Variants in HECTD2 observed in about 807,000 individuals in gnomAD.
HECTD2 encodes the protein probable E3 ubiquitin-protein ligase HECTD2.
In HECTD2, 35 loss-of-function variants were observed where a neutral mutation model predicts 103.2. The observed-to-expected ratio is 0.34, with a 90% CI of 0.26 to 0.45. The LOEUF is 0.45. HECTD2 is among the 20% of genes least tolerant of loss of function. The pLI is 1.00. For synonymous variants in HECTD2, 281 were observed against 329.9 expected, an observed-to-expected ratio of 0.85 and a Z score of 1.61; for missense variants, 596 against 937.4, an observed-to-expected ratio of 0.64 and a Z score of 4.76.
intron 9 of HECTD2, 83 bp downstream of exon 9, chr10:91,484,738 G>C: frequency 9.7e-7 from 1 of 1,028,672 alleles, no homozygotes; most frequent in Non-Finnish European, 1.4e-6. Flanking sequence ...AAAGACTATA[G>C]AGGCATTCTT....
At chr10:91,429,130 G>C (rs55916968) in intron 2 of HECTD2, among the ~76,000 whole-genome samples, 1 of 151,722 alleles carries the variant, frequency 6.6e-6, no homozygotes, top group South Asian at 2.1e-4. Flanking sequence ...CATCTATTGA[G>C]AAAATCATGT....
chr10:91,410,445 G>A lies in HECTD2; in HGVS notation c.7G>A (p.Glu3Lys). 3 of 1,448,334 alleles carry A rather than the reference G, an allele frequency of 2.1e-6. No homozygotes were observed. Among genetic ancestry groups the A allele is most frequent in the Non-Finnish European group, 2.7e-6 (3 of 1,104,254 alleles). The allele number at this position is 1,448,334 out of a possible 1,614,324, so 89.7% of individuals were successfully genotyped here. A position where few individuals can be genotyped will look rare whatever the true frequency, so the allele number is the denominator to read the frequency against. ...TCCCGCCGCCCGGCCCGACATGAGT[G>A]AGGCGGTTCGGGTACCCTCGCCCGC... is the stretch of plus-strand genomic sequence containing the variant. The part of the protein sequence containing the change: MS[E>K]AVRVPSPATP... Residue 3 changes from glutamate (E) to lysine (K), a missense_variant, in exon 1 of 21, where the codon GAG (glutamate) becomes AAG (lysine). Physicochemically the swap from Glu to Lys is moderately conservative, Grantham distance 56. This residue lies in a region of HECTD2 where 220 missense variants were observed against 233.9 expected (regional missense o/e 0.94). Coordinates refer to ENST00000298068, the MANE Select transcript of HECTD2 (RefSeq NM_182765.6).
intron 4 of HECTD2, 33 bp from the exon 5 acceptor site, chr10:91,462,062 T>C: frequency 6.9e-6 from 10 of 1,448,676 alleles, no homozygotes; most frequent in Non-Finnish European, 9.6e-6. Flanking sequence ...TTTAAAATGT[T>C]GAATATACTT....
intron 18 of HECTD2, among the ~76,000 whole-genome samples, chr10:91,499,692 T>C (rs968955389): frequency 3.3e-5 from 5 of 152,190 alleles, no homozygotes; most frequent in East Asian, 1.9e-4. Context: ...AGAAGTATCA[T>C]AGGATACCTT....
At chr10:91,437,323 A>C (rs1329745634) in intron 2 of HECTD2, among the ~76,000 whole-genome samples, 1 of 151,976 alleles carries the variant, frequency 6.6e-6, no homozygotes, top group Non-Finnish European at 1.5e-5. Flanking sequence ...CCTTAGATGA[A>C]ACACCTACAT....
At chr10:91,443,628 C>A (rs998901743) in intron 2 of HECTD2, among the ~76,000 whole-genome samples, 2 of 151,804 alleles carry the variant, frequency 1.3e-5, no homozygotes, top group Non-Finnish European at 3.0e-5. Context: ...GATCCTCCTG[C>A]TCTCTTCACA....
At chr10:91,433,635 A>G (rs866972034) in intron 2 of HECTD2, among the ~76,000 whole-genome samples, 7 of 151,976 alleles carry the variant, frequency 4.6e-5, no homozygotes, top group African/African-American at 1.7e-4. Flanking sequence ...ATTGCAGACA[A>G]TGCCACAATG....
chr10:91,483,431 T>C (rs1846164460), intron 8 of HECTD2, among the ~76,000 whole-genome samples: 1 of 151,974 alleles, frequency 6.6e-6, no homozygotes. Flanking sequence ...TTATTTTCTA[T>C]CTGTAAATTC....
At chr10:91,476,744 G>A (rs771546873) in intron 5 of HECTD2, among the ~76,000 whole-genome samples, 16 of 152,296 alleles carry the variant, frequency 1.1e-4, no homozygotes, top group Admixed American at 2.6e-4. Context: ...GGCAAAGGGC[G>A]AGAGGAGTGA....
intron 2 of HECTD2, among the ~76,000 whole-genome samples, chr10:91,430,943 G>C (rs1843835811): frequency 6.6e-6 from 1 of 150,852 alleles, no homozygotes; most frequent in Non-Finnish European, 1.5e-5. Context: ...TGGTTATTTT[G>C]CTCGTTAGTT....
At chr10:91,473,461 TAGAG>T (rs1241649612) in intron 5 of HECTD2, among the ~76,000 whole-genome samples, 7 of 152,264 alleles carry the variant, frequency 4.6e-5, no homozygotes, top group Admixed American at 2.0e-4. Context: ...AGATATATTT[TAGAG>T]AGAAGAGGAA....
intron 5 of HECTD2, among the ~76,000 whole-genome samples, chr10:91,469,931 C>G (rs1306979594): frequency 2.0e-5 from 3 of 152,160 alleles, no homozygotes; most frequent in African/African-American, 7.2e-5. Flanking sequence ...ATTGCAACTT[C>G]AGACAAAACA....
At chr10:91,453,865 T>G (rs1844944771) in intron 2 of HECTD2, among the ~76,000 whole-genome samples, 1 of 151,962 alleles carries the variant, frequency 6.6e-6, no homozygotes, top group African/African-American at 2.4e-5. Flanking sequence ...AAACATCAAT[T>G]GAAGGAAACA....
At chr10:91,488,784 T>C (rs1315522426) in intron 11 of HECTD2, 1 of 152,180 alleles carries the variant, frequency 6.6e-6, no homozygotes, top group Non-Finnish European at 1.5e-5. Flanking sequence ...AGTCATCTTA[T>C]ACTGAATATG....
chr10:91,430,419 A>G (rs1349133898), intron 2 of HECTD2, among the ~76,000 whole-genome samples: 1 of 152,116 alleles, frequency 6.6e-6, no homozygotes, highest in East Asian at 1.9e-4. Flanking sequence ...GCTGAGTTCA[A>G]TTCCTGGGTA....
intron 2 of HECTD2, among the ~76,000 whole-genome samples, chr10:91,460,096 C>T (rs1255818671): frequency 6.6e-6 from 1 of 151,974 alleles, no homozygotes; most frequent in Non-Finnish European, 1.5e-5. Flanking sequence ...TTGAAATACC[C>T]CCGGAAAGAT....
At chr10:91,508,363 A>C (rs1847279611) in intron 20 of HECTD2, among the ~76,000 whole-genome samples, 1 of 149,496 alleles carries the variant, frequency 6.7e-6, no homozygotes, top group Non-Finnish European at 1.5e-5. Flanking sequence ...AAATTTTCAC[A>C]ACCTACTCAT....
chr10:91,509,175 G>A (rs1359515922), intron 20 of HECTD2, among the ~76,000 whole-genome samples: 1 of 151,348 alleles, frequency 6.6e-6, no homozygotes, highest in African/African-American at 2.4e-5. Flanking sequence ...CCTAATGCTA[G>A]ATGACGGGTT....
intron 20 of HECTD2, among the ~76,000 whole-genome samples, chr10:91,504,649 G>GATT (rs1440561014): frequency 6.6e-6 from 1 of 151,972 alleles, no homozygotes; most frequent in African/African-American, 2.4e-5. Flanking sequence ...ATCTACGTCT[G>GATT]ATTGGTGTAC....
Sources: gnomAD v4.1 joint callset for allele counts (sites outside exome capture counted in the v4.1 genomes callset) on GRCh38, gnomAD v4.1.1 for gene constraint, gnomAD v4.1.1 regional missense constraint, MANE v1.5 for transcripts, NCBI Gene and HGNC (gene_info 2026-07-23, HGNC 2026-07-21) for gene names.